Variants in FANCA observed in about 807,000 individuals in gnomAD.
The protein encoded by FANCA is Fanconi anemia group A protein.
Under a neutral mutation model 194.3 loss-of-function variants are expected in FANCA, and 236 were observed. The ratio of observed to expected loss-of-function variants is 1.21; its 90% CI spans 1.09 to 1.35. FANCA has a LOEUF of 1.35. Among genes scored for constraint, FANCA ranks in the 40% most tolerant of loss-of-function variants. The pLI, the probability that FANCA is intolerant of heterozygous loss-of-function variation, is 0.00. For synonymous variants in FANCA, 1,014 were observed against 715.8 expected (o/e 1.42, Z -6.65); for missense variants, 2,628 against 1,813.9 (o/e 1.45, Z -8.15).
At chr16:89,812,436 C>T (rs1261404528) in intron 3 of FANCA, among the ~76,000 whole-genome samples, 5 of 150,960 alleles carry the variant, frequency 3.3e-5, no homozygotes, top group East Asian at 4.0e-4. Flanking sequence ...CACCTGAGGT[C>T]GGGAGTTTGA....
In FANCA at chr16:89,800,621, G is replaced by T. The variant is rs1219270141; in HGVS notation, c.793-983C>A. Among the ~76,000 whole-genome samples, 8 of 152,178 alleles carry T rather than the reference G, an allele frequency of 5.3e-5. No homozygotes were observed. In the East Asian group the frequency reaches 1.5e-3, roughly 29 times the overall value. On this transcript the variant is annotated intron_variant, in intron 8 of 42. Coordinates refer to ENST00000389301, the MANE Select transcript of FANCA (RefSeq NM_000135.4). ...AGCAATCCTGAGGAAAAAGAACAAA[G>T]CTATAGAATATAGAAATCACACTGC...
At chr16:89,808,479 C>T in intron 5 of FANCA, 112 bp from the exon 6 acceptor site, 2 of 1,123,568 alleles carry the variant, frequency 1.8e-6, no homozygotes, top group Non-Finnish European at 2.6e-6. Flanking sequence ...CTTAACCATG[C>T]CGTATTGAAA....
rs2061985466 is a variant in FANCA at position 89,737,700 on chromosome 16, T to C, written c.*901A>G. The C allele has an allele frequency of 1.3e-6, 2 of 1,578,466 alleles. No individual in the cohort carries two copies. Among genetic ancestry groups the C allele is most frequent in the African/African-American group, 2.7e-5 (2 of 74,212 alleles). ...CTTGGGCCCACTGCATGGTGAACCA[T>C]GTGCAGAAATGTCTTCCCAGCTGTG... On this transcript the variant is annotated 3_prime_UTR_variant, in exon 43 of 43. Coordinates refer to ENST00000389301, the MANE Select transcript of FANCA (RefSeq NM_000135.4).
chr16:89,782,480 A>C (rs751439738), intron 17 of FANCA, among the ~76,000 whole-genome samples: 7 of 151,826 alleles, frequency 4.6e-5, no homozygotes, highest in Admixed American at 2.0e-4. Context: ...CACTGCACTC[A>C]AGCCTGGTGA....
rs772633264 is a variant in FANCA at position 89,748,714 on chromosome 16, T to C, written c.3293A>G (p.Glu1098Gly). 18 of 1,614,024 alleles carry C rather than the reference T, an allele frequency of 1.1e-5. No individual in the cohort carries two copies. In the South Asian group the frequency reaches 2.0e-4, roughly 18 times the overall value. Residue 1098 changes from glutamate to glycine, a missense_variant, in exon 33 of 43, where the codon GAA becomes GGA. By Grantham distance (98) the Glu-to-Gly change is moderately conservative (BLOSUM62 -2). Coordinates refer to ENST00000389301, the MANE Select transcript of FANCA (RefSeq NM_000135.4). ...CTCGCATCTGGCAGTGATGGGCTGT[T>C]CTGCCTGGAAGCTGCTGCCGCAGAG... is the stretch of plus-strand genomic sequence containing the variant. ...SVLCGSSFQA[E>G]QPITARCEQF...
chr16:89,806,701 GAA>G (rs1294906592), intron 6 of FANCA, among the ~76,000 whole-genome samples: 5 of 152,174 alleles, frequency 3.3e-5, no homozygotes, highest in African/African-American at 9.7e-5. Flanking sequence ...CAAGGCAGAA[GAA>G]TTTCTCTTAG....
At chr16:89,759,907 G>T (rs548792736) in intron 29 of FANCA, among the ~76,000 whole-genome samples, 13 of 151,566 alleles carry the variant, frequency 8.6e-5, no homozygotes, top group Non-Finnish European at 1.8e-4. Flanking sequence ...GTCCGGGACT[G>T]GGGTGCTCCA....
rs140823801 is a variant in FANCA at position 89,758,581 on chromosome 16, G to T, written c.2977C>A (p.Gln993Lys). 2.4e-4 allele frequency: 389 copies of T among 1,613,526 alleles called. 3 individuals are homozygous for T. In the African/African-American group the frequency reaches 4.1e-3, roughly 17 times the overall value. ...AATACAGTGTGTGCTGCTAACCTTTGGTGGAAATCCATCAGTGCGTTGACA... is the reference window on the plus strand; with the variant it reads ...AATACAGTGTGTGCTGCTAACCTTTTGTGGAAATCCATCAGTGCGTTGACA... The part of the protein sequence containing the change: ...ILVNALMDFH[Q>K]SSRSYDHSEN... The change falls in exon 30 of 43, where the codon CAA (glutamine) becomes AAA (lysine). Residue 993 changes from glutamine (Q) to lysine (K), a missense_variant. Transcript: ENST00000389301.
chr16:89,749,017 C>A (rs1324394125), intron 32 of FANCA, among the ~76,000 whole-genome samples: 3 of 152,180 alleles, frequency 2.0e-5, no homozygotes, highest in Non-Finnish European at 4.4e-5. Context: ...ACATAATAAC[C>A]AACAACTTCT....
intron 33 of FANCA, among the ~76,000 whole-genome samples, chr16:89,748,186 G>T (rs71396959): frequency 6.6e-6 from 1 of 152,216 alleles, no homozygotes. Context: ...GATTACGGGC[G>T]TGAGCCACCG....
chr16:89,765,947 C>G (rs1258359024), intron 27 of FANCA, among the ~76,000 whole-genome samples: 1 of 152,158 alleles, frequency 6.6e-6, no homozygotes, highest in Non-Finnish European at 1.5e-5. Context: ...GTTTCAAAAG[C>G]TTCTCAGTTG....
intron 17 of FANCA, among the ~76,000 whole-genome samples, chr16:89,781,547 G>A (rs1395562466): frequency 2.0e-5 from 3 of 150,084 alleles, no homozygotes; most frequent in Non-Finnish European, 4.4e-5. Context: ...GTGGTGGCAG[G>A]TGCCTGTAGT....
chr16:89,808,403 A>G (rs1248068180), intron 5 of FANCA, 36 bp from the exon 6 acceptor site: 2 of 1,601,806 alleles, frequency 1.2e-6, no homozygotes, highest in Non-Finnish European at 1.7e-6. Context: ...AAACAAAAAC[A>G]AAAAAACCCC....
At chr16:89,799,429 T>G (rs546305578) in intron 9 of FANCA, among the ~76,000 whole-genome samples, 176 bp downstream of exon 9, 3 of 152,216 alleles carry the variant, frequency 2.0e-5, no homozygotes, top group Non-Finnish European at 4.4e-5. Flanking sequence ...CACAGATTCA[T>G]GAGGTATCCC....
intron 20 of FANCA, among the ~76,000 whole-genome samples, chr16:89,776,691 C>T (rs893425328): frequency 3.3e-5 from 5 of 151,504 alleles, no homozygotes; most frequent in South Asian, 2.1e-4. Context: ...ATTAGCCGGG[C>T]GTGGTGGCGG....
chr16:89,750,410 G>A (rs1024725120), intron 31 of FANCA, among the ~76,000 whole-genome samples: 2 of 151,922 alleles, frequency 1.3e-5, no homozygotes, highest in Non-Finnish European at 1.5e-5. Context: ...GTGAACCCGG[G>A]AGGTGGAGCT....
chr16:89,794,081 G>C (rs986736766), intron 11 of FANCA, among the ~76,000 whole-genome samples: 2 of 133,386 alleles, frequency 1.5e-5, no homozygotes, highest in Non-Finnish European at 3.1e-5. Flanking sequence ...TCAGTGTGAA[G>C]ACAGATCTTA....
rs541701073 is a variant in FANCA, at chr16:89,765,999, AT to A, written c.2602-934del. 2.7e-3 allele frequency among the ~76,000 whole-genome samples: 389 copies of A among 143,964 alleles called. 1 individual carries two copies. In the South Asian group the frequency reaches 0.032, roughly 12 times the overall value. 94.4% of individuals were successfully genotyped at this position (143,964 alleles called of 152,430 possible). A position where few individuals can be genotyped will look rare whatever the true frequency, so the allele number is the denominator to read the frequency against. Reference sequence around the variant, plus strand: ...TGAAGTTGAAAACCATTATTTATTTATTTTTTTTTTTTTTTGAGGTGGAGTC... The same window carrying A: ...TGAAGTTGAAAACCATTATTTATTTATTTTTTTTTTTTTTGAGGTGGAGTC... On this transcript the variant is annotated intron_variant, in intron 27 of 42. Transcript: ENST00000389301.
intron 1 of FANCA, 108 bp from the exon 2 acceptor site, chr16:89,816,094 C>T (rs1431218579): frequency 1.2e-6 from 1 of 812,870 alleles, no homozygotes. Context: ...GACACCCTCC[C>T]GAAGAGGGGC....
Sources: allele counts gnomAD v4.1 joint callset (sites outside exome capture counted in the v4.1 genomes callset), GRCh38; gene constraint gnomAD v4.1.1; transcripts MANE v1.5; gene names NCBI Gene and HGNC (gene_info 2026-07-23, HGNC 2026-07-21).